SEMA6D: variants seen among roughly 807,000 people sequenced by gnomAD.
The protein encoded by SEMA6D is semaphorin 6D.
In SEMA6D, 35 loss-of-function variants were observed where a neutral mutation model predicts 106.6. The ratio of observed to expected loss-of-function variants is 0.33; its 90% CI spans 0.25 to 0.44. The LOEUF (loss-of-function observed/expected upper bound fraction) is 0.44, where lower values mean the gene tolerates loss of function less well. Ranked by LOEUF, SEMA6D falls within the 20% of genes least tolerant of loss-of-function variation. SEMA6D has a pLI of 1.00. For synonymous variants in SEMA6D, 499 were observed against 487.7 expected (o/e 1.02, Z -0.31); for missense variants, 1,185 against 1,345.9 (o/e 0.88, Z 1.87).
intron 1 of SEMA6D, among the ~76,000 whole-genome samples, chr15:47,215,285 C>T (rs1028584136): frequency 6.6e-6 from 1 of 151,694 alleles, no homozygotes; most frequent in South Asian, 2.1e-4. Flanking sequence ...TCTAAACTCT[C>T]ATTATTGGAA....
At chr15:47,481,170 A>T (rs1240853986) in intron 3 of SEMA6D, among the ~76,000 whole-genome samples, 1 of 152,056 alleles carries the variant, frequency 6.6e-6, no homozygotes, top group African/African-American at 2.4e-5. Flanking sequence ...CTTTCTTGGT[A>T]GTGTTGGAGA....
In SEMA6D at chr15:47,771,835, G is replaced by C; in HGVS notation, c.*50G>C. 6.5e-7 allele frequency: 1 copy of C among 1,531,952 alleles called. No homozygotes were observed. Among genetic ancestry groups the C allele is most frequent in the Non-Finnish European group, 8.9e-7 (1 of 1,124,126 alleles). 94.9% of individuals were successfully genotyped at this position (1,531,952 alleles called of 1,614,324 possible). A position where few individuals can be genotyped will look rare whatever the true frequency, so the allele number is the denominator to read the frequency against. The stretch of plus-strand genomic sequence containing the variant: ...GGCTTTATCCTGTCCGTGTTGTTGA[G>C]AGGATGATGTTGTAAGGGTACCTTA... On this transcript the variant is annotated 3_prime_UTR_variant, in exon 19 of 19. Transcript: ENST00000536845.
chr15:47,675,318 T>C (rs1473723451), intron 4 of SEMA6D, among the ~76,000 whole-genome samples: 1 of 152,022 alleles, frequency 6.6e-6, no homozygotes, highest in Non-Finnish European at 1.5e-5. Flanking sequence ...AAAGAGATAA[T>C]TAAGTTAAAA....
In SEMA6D at chr15:47,760,335, C is replaced by T. The variant is rs144688532; in HGVS notation, c.141C>T (p.Arg47=). The change falls in exon 3 of 19, where the codon CGC becomes CGT. Residue 47 remains arginine, a synonymous_variant. Coordinates refer to ENST00000536845, the MANE Select transcript of SEMA6D (RefSeq NM_001358351.3). ...YSRQYPVFRG[R]PSGNESQHRL... is the part of the protein sequence containing the mutation. Reference sequence around the variant, plus strand: ...GGCAATATCCGGTTTTTAGAGGACGCCCTTCAGGCAATGAATCGCAGCACA... The same window carrying T: ...GGCAATATCCGGTTTTTAGAGGACGTCCTTCAGGCAATGAATCGCAGCACA... 7.4e-5 allele frequency: 119 copies of T among 1,613,502 alleles called. No homozygotes were observed. The highest frequency in any genetic ancestry group is 8.9e-5 in the Non-Finnish European group (105 of 1,179,654).
chr15:47,332,540 T>C (rs1028097188), intron 1 of SEMA6D, among the ~76,000 whole-genome samples: 5 of 152,214 alleles, frequency 3.3e-5, no homozygotes, highest in African/African-American at 1.2e-4. Context: ...ATGACAGTTT[T>C]TCTTTTACCA....
chr15:47,760,514 A>T, intron 3 of SEMA6D, 99 bp downstream of exon 3: 1 of 918,734 alleles, frequency 1.1e-6, no homozygotes. Context: ...TGTGATTGTG[A>T]TCAAAAATTG....
At position 47,766,171 on chromosome 15, in the gene SEMA6D, C is replaced by A. The variant is rs765037343; in HGVS notation, c.1635C>A (p.Thr545=). The change falls in exon 15 of 19, where the codon ACC becomes ACA. Residue 545 remains threonine, a synonymous_variant. Transcript: ENST00000536845. Reference sequence around the variant, plus strand: ...GCCAGGGATCCTGTGGTAGAGTGACCCCAGGGATGCTGTAAGTATACTTTG... The same window carrying A: ...GCCAGGGATCCTGTGGTAGAGTGACACCAGGGATGCTGTAAGTATACTTTG... ...WLSQGSCGRV[T]PGMLAEGYEQ... is the part of the protein sequence containing the mutation. 7.4e-6 allele frequency: 12 copies of A among 1,612,790 alleles called. No homozygotes were observed. In the Admixed American group the frequency reaches 2.0e-4, roughly 27 times the overall value.
chr15:47,492,194 T>A (rs1205872121), intron 3 of SEMA6D, among the ~76,000 whole-genome samples: 1 of 152,108 alleles, frequency 6.6e-6, no homozygotes, highest in Non-Finnish European at 1.5e-5. Context: ...TGACATGAAG[T>A]TAAACAAAGT....
intron 1 of SEMA6D, among the ~76,000 whole-genome samples, chr15:47,349,203 T>A (rs1161086019): frequency 1.3e-5 from 2 of 152,130 alleles, no homozygotes; most frequent in Admixed American, 1.3e-4. Context: ...GGGAATCATG[T>A]TCATTAGGAG....
intron 4 of SEMA6D, among the ~76,000 whole-genome samples, chr15:47,612,074 A>AGTTG (rs1242843930): frequency 2.0e-5 from 3 of 152,158 alleles, no homozygotes; most frequent in African/African-American, 7.2e-5. Context: ...AAGTGGAATT[A>AGTTG]GTTGGTTAGG....
intron 1 of SEMA6D, among the ~76,000 whole-genome samples, chr15:47,249,902 A>G (rs903325256): frequency 1.3e-5 from 2 of 152,212 alleles, no homozygotes; most frequent in African/African-American, 4.8e-5. Flanking sequence ...GGGACTATCA[A>G]ACAATTCTGG....
intron 4 of SEMA6D, among the ~76,000 whole-genome samples, chr15:47,646,834 C>G (rs2077590645): frequency 6.6e-6 from 1 of 152,150 alleles, no homozygotes; most frequent in Admixed American, 6.5e-5. Context: ...CACTAGCCAC[C>G]ATCTTCTCTG....
chr15:47,448,028 A>G (rs1343164840), intron 2 of SEMA6D, among the ~76,000 whole-genome samples: 3 of 152,108 alleles, frequency 2.0e-5, no homozygotes, highest in Non-Finnish European at 2.9e-5. Context: ...GGTTTTTCCA[A>G]TATACTCACC....
At chr15:47,699,998 A>C (rs2078777271) in intron 4 of SEMA6D, among the ~76,000 whole-genome samples, 1 of 152,232 alleles carries the variant, frequency 6.6e-6, no homozygotes. Context: ...AAGAAAGTGG[A>C]ATTTGAAATT....
intron 3 of SEMA6D, among the ~76,000 whole-genome samples, chr15:47,531,157 A>G (rs943815429): frequency 1.3e-5 from 2 of 152,234 alleles, no homozygotes. Flanking sequence ...ATATCTTTAT[A>G]TGTATATGAA....
chr15:47,500,641 G>T (rs2043817829), intron 3 of SEMA6D, among the ~76,000 whole-genome samples: 1 of 152,188 alleles, frequency 6.6e-6, no homozygotes, highest in Non-Finnish European at 1.5e-5. Context: ...CCCTCTTACA[G>T]AGGTTCTGAC....
intron 1 of SEMA6D, among the ~76,000 whole-genome samples, chr15:47,379,337 A>T (rs1240570904): frequency 6.6e-6 from 1 of 152,222 alleles, no homozygotes; most frequent in African/African-American, 2.4e-5. Context: ...TCTCTAAAAT[A>T]ATAGGTCAGT....
At chr15:47,529,169 A>C (rs2044863191) in intron 3 of SEMA6D, among the ~76,000 whole-genome samples, 1 of 152,174 alleles carries the variant, frequency 6.6e-6, no homozygotes. Context: ...AAATATGTTT[A>C]CTATTCATTA....
At chr15:47,236,382 A>C (rs1366177859) in intron 1 of SEMA6D, among the ~76,000 whole-genome samples, 1 of 152,138 alleles carries the variant, frequency 6.6e-6, no homozygotes, top group Non-Finnish European at 1.5e-5. Context: ...ATATTTTTCC[A>C]GAGTCAATAT....
Sources: gnomAD v4.1 joint callset for allele counts (sites outside exome capture counted in the v4.1 genomes callset) on GRCh38, gnomAD v4.1.1 for gene constraint, MANE v1.5 for transcripts, NCBI Gene and HGNC (gene_info 2026-07-23, HGNC 2026-07-21) for gene names.